Variants in CACNA1E observed in about 807,000 individuals in gnomAD.
CACNA1E encodes calcium voltage-gated channel subunit alpha1 E.
In CACNA1E, 40 loss-of-function variants were observed where a neutral mutation model predicts 259.2. The observed-to-expected ratio is 0.15, with a 90% CI of 0.12 to 0.20. The LOEUF (loss-of-function observed/expected upper bound fraction) is 0.20, where lower values mean the gene tolerates loss of function less well. Among genes scored for constraint, CACNA1E ranks in the 10% least tolerant of loss-of-function variants. The probability of loss-of-function intolerance (pLI) is 1.00; values close to 1 mark genes in which losing one functional copy is unlikely to be tolerated. For synonymous variants in CACNA1E, 1,104 were observed against 1,138.5 expected (o/e 0.97, Z 0.61); for missense variants, 1,874 against 3,040.1 (o/e 0.62, Z 9.02).
chr1:181,521,150 G>A (rs1296570130), intron 3 of CACNA1E, among the ~76,000 whole-genome samples: 1 of 152,170 alleles, frequency 6.6e-6, no homozygotes, highest in Non-Finnish European at 1.5e-5. Context: ...TTTCTCCCTG[G>A]CCTCCAGCAC....
At chr1:181,559,400 A>G (rs1362291890) in intron 3 of CACNA1E, among the ~76,000 whole-genome samples, 1 of 152,190 alleles carries the variant, frequency 6.6e-6, no homozygotes, top group East Asian at 1.9e-4. Flanking sequence ...TTTGCATCCA[A>G]GTGATAGTTG....
At chr1:181,555,590 C>T (rs1648636451) in intron 3 of CACNA1E, among the ~76,000 whole-genome samples, 1 of 152,156 alleles carries the variant, frequency 6.6e-6, no homozygotes. Flanking sequence ...ACCTGCAGCC[C>T]CATTTTCTCA....
At chr1:181,768,802 G>GCAGA (rs1410835545) in intron 35 of CACNA1E, among the ~76,000 whole-genome samples, 11 of 152,276 alleles carry the variant, frequency 7.2e-5, no homozygotes, top group South Asian at 4.1e-4. Flanking sequence ...CAAGCACAAA[G>GCAGA]CAGACACCTG....
At chr1:181,398,924 C>T (rs1481480158) in intron 1 of CACNA1E, among the ~76,000 whole-genome samples, 1 of 152,222 alleles carries the variant, frequency 6.6e-6, no homozygotes, top group African/African-American at 2.4e-5. Context: ...CAACTGGAAA[C>T]AGAGCTCCCT....
intron 27 of CACNA1E, among the ~76,000 whole-genome samples, chr1:181,754,859 G>T (rs886861112): frequency 3.3e-5 from 5 of 152,212 alleles, no homozygotes; most frequent in African/African-American, 1.2e-4. Context: ...GCTATTTAAA[G>T]ACTAAAATTG....
intron 7 of CACNA1E, among the ~76,000 whole-genome samples, chr1:181,705,452 T>C (rs998902937): frequency 6.6e-6 from 1 of 152,252 alleles, no homozygotes; most frequent in African/African-American, 2.4e-5. Flanking sequence ...TGCTCAACCA[T>C]GCAGGGCAAA....
intron 1 of CACNA1E, among the ~76,000 whole-genome samples, chr1:181,499,673 C>T (rs1665074666): frequency 6.6e-6 from 1 of 152,204 alleles, no homozygotes; most frequent in Non-Finnish European, 1.5e-5. Context: ...TTAGAATAAG[C>T]CTGGGAACTT....
chr1:181,379,546 A>T (rs934141905), intron 1 of CACNA1E, among the ~76,000 whole-genome samples: 2 of 152,188 alleles, frequency 1.3e-5, no homozygotes, highest in Non-Finnish European at 2.9e-5. Context: ...GTAGGCTGGT[A>T]AACGTGAGAT....
At chr1:181,471,255 T>C (rs1662489441) in intron 2 of CACNA1E, among the ~76,000 whole-genome samples, 1 of 152,228 alleles carries the variant, frequency 6.6e-6, no homozygotes, top group East Asian at 1.9e-4. Flanking sequence ...AGTTTTAACA[T>C]GAAATTTGAA....
At chr1:181,548,101 C>G (rs1363915375) in intron 3 of CACNA1E, among the ~76,000 whole-genome samples, 1 of 150,898 alleles carries the variant, frequency 6.6e-6, no homozygotes, top group African/African-American at 2.4e-5. Flanking sequence ...GTATACTTTC[C>G]CCTCTGTTCC....
rs991374599 is a variant in CACNA1E at position 181,318,435 on chromosome 1, A to C, written c.-15+312A>C. 5.3e-5 allele frequency among the ~76,000 whole-genome samples: 8 copies of C among 152,188 alleles called. 1 individual carries two copies. The highest frequency in any genetic ancestry group is 3.9e-4 in the Admixed American group (6 of 15,288). ...GTGTGAGTGTTGCGCCCCTTGCCGC[A>C]GCGCTCAGGGCAGCATCCCGCTCGA... is the stretch of plus-strand genomic sequence containing the variant. On this transcript the variant is annotated intron_variant, in intron 1 of 11. Coordinates refer to the CACNA1E transcript ENST00000524607.
intron 1 of CACNA1E, among the ~76,000 whole-genome samples, chr1:181,403,972 G>C (rs1470417150): frequency 6.6e-6 from 1 of 152,136 alleles, no homozygotes; most frequent in African/African-American, 2.4e-5. Flanking sequence ...AGGCAGAGAG[G>C]GGCCACTTCT....
chr1:181,428,088 T>C (rs10910937), intron 2 of CACNA1E, among the ~76,000 whole-genome samples: 17,541 of 152,130 alleles, frequency 0.12, 1,330 homozygotes, highest in South Asian at 0.29. Context: ...TGCACTTTCA[T>C]TTCTGTAGGG....
chr1:181,510,689 G>A (rs1178365298), intron 2 of CACNA1E, 107 bp downstream of exon 2: 1 of 737,606 alleles, frequency 1.4e-6, no homozygotes, highest in Non-Finnish European at 2.4e-6. Context: ...GTTCTGGGAG[G>A]AGTTTGCTCT....
chr1:181,486,919 C>A (rs1324089479), intron 1 of CACNA1E, among the ~76,000 whole-genome samples: 1 of 152,102 alleles, frequency 6.6e-6, no homozygotes, highest in African/African-American at 2.4e-5. Flanking sequence ...CTGGGCCCCA[C>A]TTCAATCCTG....
intron 3 of CACNA1E, among the ~76,000 whole-genome samples, chr1:181,575,807 C>T (rs926737729): frequency 6.6e-6 from 1 of 152,178 alleles, no homozygotes; most frequent in African/African-American, 2.4e-5. Flanking sequence ...GTGCTGTGCA[C>T]CTTACCTTTA....
chr1:181,336,416 C>A (rs1264261613), intron 1 of CACNA1E, among the ~76,000 whole-genome samples: 1 of 152,172 alleles, frequency 6.6e-6, no homozygotes. Flanking sequence ...GAAACTGAGG[C>A]TTAGAAATGT....
chr1:181,785,741 A>T lies in CACNA1E; in HGVS notation c.5708A>T (p.Glu1903Val), dbSNP rs373903785. 6.2e-7 allele frequency: 1 copy of T among 1,613,182 alleles called. No individual in the cohort carries two copies. The highest frequency in any genetic ancestry group is 8.5e-7 in the Non-Finnish European group (1 of 1,179,604). ...AATGCCCCCATGTTCCAGCGCATGG[A>T]GCCTTCATCTCTGCCTCAGGAGATC... is the stretch of plus-strand genomic sequence containing the variant. The part of the protein sequence containing the change: ...QKNAPMFQRM[E>V]PSSLPQEIIA... Residue 1903 changes from glutamate (E) to valine (V), a missense_variant, in exon 43 of 48, where the codon GAG becomes GTG. This residue lies in a region of CACNA1E where 542 missense variants were observed against 587.2 expected (regional missense o/e 0.92). Coordinates refer to ENST00000367573, the MANE Select transcript of CACNA1E (RefSeq NM_001205293.3).
At chr1:181,493,240 T>C (rs1276238214) in intron 1 of CACNA1E, among the ~76,000 whole-genome samples, 1 of 152,234 alleles carries the variant, frequency 6.6e-6, no homozygotes, top group Non-Finnish European at 1.5e-5. Flanking sequence ...GATGCTGGGC[T>C]ATCAGGAGTA....
Sources: gnomAD v4.1 joint callset for allele counts (sites outside exome capture counted in the v4.1 genomes callset) on GRCh38, gnomAD v4.1.1 for gene constraint, gnomAD v4.1.1 regional missense constraint, MANE v1.5 for transcripts, NCBI Gene and HGNC (gene_info 2026-07-23, HGNC 2026-07-21) for gene names.